FGF12: variants seen among roughly 807,000 people sequenced by gnomAD.
FGF12 encodes the protein fibroblast growth factor 12.
FGF12 carries 14 observed loss-of-function variants against 23.6 expected under a neutral mutation model. The ratio of observed to expected loss-of-function variants is 0.59; its 90% CI spans 0.39 to 0.93. The LOEUF (loss-of-function observed/expected upper bound fraction) is 0.93. FGF12 is among the 40% of genes least tolerant of loss of function. FGF12 has a pLI of 0.00. For missense variants in FGF12, 175 were observed against 217.8 expected, an observed-to-expected ratio of 0.80 and a Z score of 1.24; for synonymous variants, 62 against 77.3, an observed-to-expected ratio of 0.80 and a Z score of 1.04.
chr3:192,393,948 C>G (rs530884026), intron 2 of FGF12, among the ~76,000 whole-genome samples: 1 of 152,162 alleles, frequency 6.6e-6, no homozygotes, highest in Non-Finnish European at 1.5e-5. Flanking sequence ...AATCTAAAAA[C>G]TTGATAATTA....
At chr3:192,482,053 A>G (rs1488585389) in intron 2 of FGF12, among the ~76,000 whole-genome samples, 1 of 152,214 alleles carries the variant, frequency 6.6e-6, no homozygotes, top group Non-Finnish European at 1.5e-5. Flanking sequence ...AATGTTTGCT[A>G]CTATGTCATT....
intron 5 of FGF12, among the ~76,000 whole-genome samples, chr3:192,146,302 G>A (rs897534526): frequency 2.4e-4 from 32 of 135,354 alleles, no homozygotes; most frequent in African/African-American, 5.9e-4. Flanking sequence ...ACGGAGTCTC[G>A]CTCTATAGCC....
chr3:192,297,374 T>A (rs1277228398), intron 4 of FGF12, among the ~76,000 whole-genome samples: 1 of 152,212 alleles, frequency 6.6e-6, no homozygotes, highest in Non-Finnish European at 1.5e-5. Context: ...AAAGACCACA[T>A]CCTGTGTTGT....
At chr3:192,492,605 A>G (rs1723832313) in intron 2 of FGF12, among the ~76,000 whole-genome samples, 1 of 152,198 alleles carries the variant, frequency 6.6e-6, no homozygotes, top group Non-Finnish European at 1.5e-5. Context: ...TAAAGTAATT[A>G]TTTTTATAGT....
At chr3:192,178,202 A>T (rs919536668) in intron 4 of FGF12, among the ~76,000 whole-genome samples, 1 of 152,136 alleles carries the variant, frequency 6.6e-6, no homozygotes, top group Non-Finnish European at 1.5e-5. Flanking sequence ...CTTTTGTCTT[A>T]CTTTATAGCT....
At chr3:192,291,815 G>GT (rs1714773163) in intron 4 of FGF12, among the ~76,000 whole-genome samples, 3 of 152,168 alleles carry the variant, frequency 2.0e-5, no homozygotes, top group Non-Finnish European at 4.4e-5. Flanking sequence ...AAATACTAAA[G>GT]TTATGTAACC....
At chr3:192,173,696 AG>A (rs1305947898) in intron 4 of FGF12, among the ~76,000 whole-genome samples, 1 of 152,196 alleles carries the variant, frequency 6.6e-6, no homozygotes, top group Non-Finnish European at 1.5e-5. Flanking sequence ...TGCTATGCTA[AG>A]GAACTCTGGA....
intron 5 of FGF12, among the ~76,000 whole-genome samples, chr3:192,166,401 G>A (rs1051074812): frequency 7.2e-5 from 11 of 152,188 alleles, no homozygotes; most frequent in African/African-American, 2.2e-4. Flanking sequence ...AAGCAATTAG[G>A]AGACATTTAT....
chr3:192,319,594 C>CAAATAAATAAATAAATAAAT (rs556846919), intron 4 of FGF12, among the ~76,000 whole-genome samples: 51 of 151,464 alleles, frequency 3.4e-4, no homozygotes, highest in African/African-American at 1.2e-3. Flanking sequence ...AAGACTGTCT[C>CAAATAAATAAATAAATAAAT]AAATAAATAA....
At chr3:192,237,397 A>G (rs1211300513) in intron 4 of FGF12, among the ~76,000 whole-genome samples, 1 of 152,128 alleles carries the variant, frequency 6.6e-6, no homozygotes, top group Non-Finnish European at 1.5e-5. Flanking sequence ...AAGGTTGGGG[A>G]AATTTTCATG....
chr3:192,360,259 T>C lies in FGF12; in HGVS notation c.124+169A>G, dbSNP rs1480099924. The stretch of plus-strand genomic sequence containing the variant: ...AACCTCTCTCCTATACTGTCTTTGC[T>C]GTAGGAAATCATAGCAAGAAGGATA... On this transcript the variant is annotated intron_variant, in intron 3 of 5. Transcript: ENST00000445105. This position sits in a 1 kb window ranked among gnomAD's most constrained non-coding sequence, Gnocchi z 4.3. Among the ~76,000 whole-genome samples, 1 of 152,168 alleles carries C rather than the reference T, an allele frequency of 6.6e-6. No homozygotes were observed. Among genetic ancestry groups the C allele is most frequent in the Non-Finnish European group, 1.5e-5 (1 of 68,042 alleles).
chr3:192,315,795 G>A (rs1283714197), intron 4 of FGF12, among the ~76,000 whole-genome samples: 3 of 152,152 alleles, frequency 2.0e-5, no homozygotes, highest in Non-Finnish European at 4.4e-5. Context: ...GCTACAGCAA[G>A]GCCATAACTC....
At chr3:192,630,849 C>T (rs910509117) in intron 2 of FGF12, among the ~76,000 whole-genome samples, 9 of 152,094 alleles carry the variant, frequency 5.9e-5, no homozygotes, top group African/African-American at 1.9e-4. Context: ...TGAGCCACCG[C>T]GCCCGGCCCA....
At chr3:192,463,893 G>A (rs1021501430) in intron 2 of FGF12, among the ~76,000 whole-genome samples, 5 of 151,702 alleles carry the variant, frequency 3.3e-5, no homozygotes, top group African/African-American at 7.3e-5. Flanking sequence ...CTTTATTATC[G>A]TCCATACTAT....
chr3:192,625,789 G>A (rs992708116), intron 2 of FGF12, among the ~76,000 whole-genome samples: 1 of 151,990 alleles, frequency 6.6e-6, no homozygotes, highest in East Asian at 1.9e-4. Flanking sequence ...AAGGAAAAGG[G>A]CATGAACAAA....
intron 2 of FGF12, among the ~76,000 whole-genome samples, chr3:192,565,706 G>C (rs1712242987): frequency 6.6e-6 from 1 of 152,198 alleles, no homozygotes; most frequent in South Asian, 2.1e-4. Context: ...ATATGATCTA[G>C]GTTTGTGTTA....
At chr3:192,437,436 T>C (rs1281045710) in intron 2 of FGF12, among the ~76,000 whole-genome samples, 1 of 152,172 alleles carries the variant, frequency 6.6e-6, no homozygotes, top group African/African-American at 2.4e-5. Flanking sequence ...CTCACGCCTG[T>C]AATCCCAGCA....
At chr3:192,422,805 G>A (rs1460604254) in intron 2 of FGF12, among the ~76,000 whole-genome samples, 1 of 152,178 alleles carries the variant, frequency 6.6e-6, no homozygotes, top group Non-Finnish European at 1.5e-5. Context: ...CAGCCTCTTA[G>A]TAATTGATGA....
intron 2 of FGF12, among the ~76,000 whole-genome samples, chr3:192,592,364 A>G (rs983022691): frequency 6.6e-6 from 1 of 151,726 alleles, no homozygotes; most frequent in Non-Finnish European, 1.5e-5. Context: ...ATCCAATCTT[A>G]TTTGTCTACT....
Sources: gnomAD v4.1 joint callset for allele counts (sites outside exome capture counted in the v4.1 genomes callset) on GRCh38, gnomAD v4.1.1 for gene constraint, Gnocchi (gnomAD v3.1) non-coding constraint, MANE v1.5 for transcripts, NCBI Gene and HGNC (gene_info 2026-07-23, HGNC 2026-07-21) for gene names.